ZNF469: variants seen among roughly 807,000 people sequenced by gnomAD.
ZNF469 encodes zinc finger protein 469.
Under a neutral mutation model 1.0 loss-of-function variants are expected in ZNF469, and 1 was observed. The observed-to-expected ratio is 1.00, with a 90% CI of 0.35 to 4.73. The LOEUF (loss-of-function observed/expected upper bound fraction) is 4.73. ZNF469 is among the 30% of genes most tolerant of loss of function. The pLI is 0.16. For missense variants in ZNF469, 6,100 were observed against 5,356.3 expected (o/e 1.14, Z -4.33); for synonymous variants, 2,703 against 2,363.4 (o/e 1.14, Z -4.17).
upstream of ZNF469, among the ~76,000 whole-genome samples, chr16:88,381,823 G>A (rs2092526048): frequency 6.6e-6 from 1 of 152,236 alleles, no homozygotes; most frequent in Non-Finnish European, 1.5e-5. Flanking sequence ...ATTCTATACC[G>A]TTCGCAGAGT....
the ZNF469 span, among the ~76,000 whole-genome samples, chr16:88,243,079 C>T: frequency 6.6e-6 from 1 of 152,234 alleles, no homozygotes; most frequent in Non-Finnish European, 1.5e-5. Context: ...CCTGGGCCCA[C>T]TTTCCGCTGC....
the ZNF469 span, among the ~76,000 whole-genome samples, chr16:88,241,223 A>G: frequency 5.9e-5 from 9 of 152,018 alleles, no homozygotes; most frequent in Admixed American, 3.9e-4. The surrounding 1 kb of genome is among the most constrained non-coding windows in gnomAD (Gnocchi z 4.8). Context: ...GCTAAGTGTC[A>G]TGGCACGCAC....
At chr16:88,398,829 A>G (rs1904773730) in intron 1 of ZNF469, among the ~76,000 whole-genome samples, 1 of 152,246 alleles carries the variant, frequency 6.6e-6, no homozygotes, top group African/African-American at 2.4e-5. Context: ...ACCAAAGGTC[A>G]GGGCAGATCT....
chr16:88,243,481 T>C, the ZNF469 span, among the ~76,000 whole-genome samples: 1 of 152,184 alleles, frequency 6.6e-6, no homozygotes, highest in South Asian at 2.1e-4. Context: ...TGTCCCCTCC[T>C]CTGTAGTCAT....
chr16:88,340,974 C>T, the ZNF469 span, among the ~76,000 whole-genome samples: 33,142 of 151,914 alleles, frequency 0.22, 4,560 homozygotes, highest in African/African-American at 0.39. Context: ...GCCCGGGGCC[C>T]GGGCAAAGCG....
chr16:88,318,737 T>A, the ZNF469 span, among the ~76,000 whole-genome samples: 1 of 152,182 alleles, frequency 6.6e-6, no homozygotes, highest in Non-Finnish European at 1.5e-5. Flanking sequence ...ATCTTGGAGC[T>A]CGGAGGAGGG....
the ZNF469 span, among the ~76,000 whole-genome samples, chr16:88,239,551 G>A: frequency 4.7e-5 from 7 of 147,882 alleles, no homozygotes; most frequent in African/African-American, 1.5e-4. Flanking sequence ...GCAGTGGCGC[G>A]ATCTCGGCTC....
At chr16:88,264,295 C>A in the ZNF469 span, among the ~76,000 whole-genome samples, 1 of 151,964 alleles carries the variant, frequency 6.6e-6, no homozygotes, top group African/African-American at 2.4e-5. Flanking sequence ...CTAGGCTGGC[C>A]ACCCCTCATG....
chr16:88,295,762 G>A, the ZNF469 span, among the ~76,000 whole-genome samples: 1 of 152,192 alleles, frequency 6.6e-6, no homozygotes. Context: ...GAGGATGGCT[G>A]AGTTCTAGAA....
the ZNF469 span, among the ~76,000 whole-genome samples, chr16:88,325,158 G>A: frequency 7.7e-4 from 66 of 86,194 alleles, no homozygotes; most frequent in African/African-American, 2.0e-3. Context: ...CAGCAGCTGC[G>A]ACATACACAG....
chr16:88,149,952 T>C, the ZNF469 span, among the ~76,000 whole-genome samples: 1 of 152,176 alleles, frequency 6.6e-6, no homozygotes, highest in Non-Finnish European at 1.5e-5. Context: ...CATAGAACTT[T>C]CCAGGTGTTG....
chr16:88,409,547 G>A (rs1281483407), intron 1 of ZNF469, among the ~76,000 whole-genome samples: 1 of 152,180 alleles, frequency 6.6e-6, no homozygotes, highest in African/African-American at 2.4e-5. Flanking sequence ...ACCCTCACCA[G>A]GGGCAGGGGG....
chr16:88,286,493 C>T, the ZNF469 span, among the ~76,000 whole-genome samples: 144 of 152,390 alleles, frequency 9.4e-4, no homozygotes, highest in Non-Finnish European at 1.8e-3. Context: ...GGAGCCAGCT[C>T]CCACATGCCA....
chr16:88,354,943 C>T, the ZNF469 span, among the ~76,000 whole-genome samples: 1 of 152,202 alleles, frequency 6.6e-6, no homozygotes, highest in East Asian at 1.9e-4. Flanking sequence ...GGGCAGGGGG[C>T]TGAGAAGAGA....
At chr16:88,367,742 C>T in the ZNF469 span, among the ~76,000 whole-genome samples, 1 of 152,248 alleles carries the variant, frequency 6.6e-6, no homozygotes, top group Non-Finnish European at 1.5e-5. Flanking sequence ...AGCTGCTCAT[C>T]GGCTGGTCAC....
chr16:88,338,331 A>C, the ZNF469 span, among the ~76,000 whole-genome samples: 1 of 152,174 alleles, frequency 6.6e-6, no homozygotes, highest in African/African-American at 2.4e-5. Context: ...GTGGTTGATT[A>C]GCAATGTCTG....
Position 88,429,899 on chromosome 16 carries a change from AC to A in ZNF469, c.2434del (p.Leu812Ter). The A allele has an allele frequency of 6.5e-7, 1 of 1,549,994 alleles. No individual in the cohort carries two copies. The highest frequency in any genetic ancestry group is 8.7e-7 in the Non-Finnish European group (1 of 1,146,854). On this transcript the variant is annotated frameshift_variant, in exon 3 of 3. Coordinates refer to ENST00000565624, the MANE Select transcript of ZNF469 (RefSeq NM_001367624.2). LOFTEE classifies it low-confidence loss of function (END_TRUNC). ...GACGCCCAGGCCGAGGGCAAAGACG[AC>A]CCCCTGAGGACAGGCTTCCTGCCCA... is the stretch of plus-strand genomic sequence containing the variant. ...AGDAQAEGKDDPLRTGFLPSL... is the reference protein window; with the variant it reads ...AGDAQAEGKDXPLRTGFLPSL...
At chr16:88,296,387 CACAT>C in the ZNF469 span, among the ~76,000 whole-genome samples, 12 of 152,106 alleles carry the variant, frequency 7.9e-5, no homozygotes, top group Non-Finnish European at 1.3e-4. Context: ...TACACAGGTG[CACAT>C]ACAGACACAT....
the ZNF469 span, among the ~76,000 whole-genome samples, chr16:88,250,197 AC>A: frequency 6.6e-6 from 1 of 152,152 alleles, no homozygotes. Flanking sequence ...CTCCTACTGC[AC>A]CTCCGTGGGA....
Sources: allele counts gnomAD v4.1 joint callset (sites outside exome capture counted in the v4.1 genomes callset), GRCh38; gene constraint gnomAD v4.1.1; non-coding constraint Gnocchi (gnomAD v3.1); transcripts MANE v1.5; gene names NCBI Gene and HGNC (gene_info 2026-07-23, HGNC 2026-07-21).